The following ATP13A1 variants were observed in gnomAD, a reference collection of about 807,000 sequenced individuals.
ATP13A1 encodes the protein endoplasmic reticulum transmembrane helix translocase.
In ATP13A1, 55 loss-of-function variants were observed where a neutral mutation model predicts 134.8. The ratio of observed to expected loss-of-function variants is 0.41; its 90% CI spans 0.33 to 0.51. The LOEUF is 0.51. Ranked by LOEUF, ATP13A1 falls within the 20% of genes least tolerant of loss-of-function variation. The probability of loss-of-function intolerance (pLI) is 0.29; values close to 1 mark genes in which losing one functional copy is unlikely to be tolerated. For synonymous variants in ATP13A1, 775 were observed against 725.1 expected, an observed-to-expected ratio of 1.07 and a Z score of -1.10; for missense variants, 1,389 against 1,652.8, an observed-to-expected ratio of 0.84 and a Z score of 2.77.
intron 13 of ATP13A1, 82 bp from the exon 14 acceptor site, chr19:19,654,226 C>A (rs933944053): frequency 8.4e-5 from 115 of 1,376,122 alleles, no homozygotes; most frequent in Non-Finnish European, 1.1e-4. Flanking sequence ...CGGCCTCCCC[C>A]ACCTCCCTCC....
intron 23 of ATP13A1, 32 bp downstream of exon 23, chr19:19,646,173 A>G (rs1210966124): frequency 6.2e-7 from 1 of 1,612,470 alleles, no homozygotes; most frequent in Non-Finnish European, 8.5e-7. Flanking sequence ...TCTCAGCTGC[A>G]GGGACATCAC....
rs1490833938 is a variant in ATP13A1 at position 19,653,486 on chromosome 19, G to A, written c.2100+298C>T. 6.8e-6 allele frequency: 3 copies of A among 439,728 alleles called. No homozygotes were observed. Among genetic ancestry groups the A allele is most frequent in the Non-Finnish European group, 8.1e-6 (2 of 245,578 alleles). 27.2% of individuals were successfully genotyped at this position (439,728 alleles called of 1,614,324 possible). A position where few individuals can be genotyped will look rare whatever the true frequency, so the allele number is the denominator to read the frequency against. ...TTTGTGGAGGATGGATGGGTGAGAG[G>A]GCTGAGGATGCCACCTAGCCCTGCC... is the stretch of plus-strand genomic sequence containing the variant. On this transcript the variant is annotated intron_variant, in intron 15 of 25. Transcript: ENST00000357324. The surrounding 1 kb of genome is among the most constrained non-coding windows in gnomAD (Gnocchi z 4.2).
Position 19,647,282 on chromosome 19 carries a change from C to T in ATP13A1, c.2952G>A (p.Thr984=), listed in dbSNP as rs1252033922. 5.0e-6 allele frequency: 8 copies of T among 1,613,068 alleles called. No individual in the cohort carries two copies. Among genetic ancestry groups the T allele is most frequent in the South Asian group, 1.1e-5 (1 of 91,048 alleles). The change falls in exon 22 of 26, where the codon ACG becomes ACA. Residue 984 remains threonine (T), a synonymous_variant. Transcript: ENST00000357324. This position sits in a 1 kb window ranked among gnomAD's most constrained non-coding sequence, Gnocchi z 4.8. ...IKQGRCTLVT[T]LQMFKILALN... Reference sequence around the variant, plus strand: ...GCGCCAGGATCTTGAACATCTGTAGCGTGGTCACCAGCGTGCAGCGGCCCT... The same window carrying T: ...GCGCCAGGATCTTGAACATCTGTAGTGTGGTCACCAGCGTGCAGCGGCCCT...
Position 19,656,637 on chromosome 19 carries a change from G to C in ATP13A1, c.1083+23C>G, listed in dbSNP as rs764283278. ...CCTGTTTCCTCCTGAACAGCTTGAG[G>C]ATCCCCATCCTCCACCAAGTACCTT... is the stretch of plus-strand genomic sequence containing the variant. On this transcript the variant is annotated intron_variant, in intron 7 of 25. Transcript: ENST00000357324. This position sits in a 1 kb window ranked among gnomAD's most constrained non-coding sequence, Gnocchi z 4.6. The C allele has an allele frequency of 6.2e-7, 1 of 1,607,550 alleles. No homozygotes were observed. Among genetic ancestry groups the C allele is most frequent in the Non-Finnish European group, 8.5e-7 (1 of 1,176,644 alleles).
chr19:19,648,714 A>G (rs1461515929), intron 19 of ATP13A1, among the ~76,000 whole-genome samples: 2 of 143,990 alleles, frequency 1.4e-5, no homozygotes, highest in Non-Finnish European at 3.0e-5. Flanking sequence ...GAGGCTGAAG[A>G]AGGAGAATTG....
At chr19:19,660,402 A>C in intron 1 of ATP13A1, 1 of 184,622 alleles carries the variant, frequency 5.4e-6, no homozygotes, top group Non-Finnish European at 1.1e-5. Flanking sequence ...GAATCCCTTG[A>C]ACTGGGAGGC....
In ATP13A1 at chr19:19,655,036, C is replaced by A. The variant is rs544929928; in HGVS notation, c.1655+83G>T. The A allele has an allele frequency of 6.4e-7, 1 of 1,570,354 alleles. No individual in the cohort carries two copies. Among genetic ancestry groups the A allele is most frequent in the Non-Finnish European group, 8.6e-7 (1 of 1,161,310 alleles). ...CTCTGACGGGCCCTCACTGCAAGGGCTTGGGGTGGATGGGCCACCTGTCTC... is the reference window on the plus strand; with the variant it reads ...CTCTGACGGGCCCTCACTGCAAGGGATTGGGGTGGATGGGCCACCTGTCTC... On this transcript the variant is annotated intron_variant, in intron 12 of 25. Coordinates refer to ENST00000357324, the MANE Select transcript of ATP13A1 (RefSeq NM_020410.3). The surrounding 1 kb of genome is among the most constrained non-coding windows in gnomAD (Gnocchi z 5.7).
Position 19,659,606 on chromosome 19 carries a change from G to T in ATP13A1, c.672C>A (p.Ser224Arg), listed in dbSNP as rs77942672. The T allele has an allele frequency of 6.2e-7, 1 of 1,609,596 alleles. No individual in the cohort carries two copies. Among genetic ancestry groups the T allele is most frequent in the Non-Finnish European group, 8.5e-7 (1 of 1,176,220 alleles). Residue 224 changes from serine to arginine, a missense_variant, in exon 3 of 26, where the codon AGC becomes AGA. Around this residue, in one of 4 missense-constraint regions of ATP13A1, gnomAD observed 747 missense variants for 956.1 expected, o/e 0.78. Coordinates refer to ENST00000357324, the MANE Select transcript of ATP13A1 (RefSeq NM_020410.3). ...EIRAAEKKFG[S>R]NKAEMVVPDF... ...CAGGCAAATCAAGGACTCACTTGTT[G>T]CTCCCAAATTTCTTCTCAGCTGCTC...
rs1290692655 is a variant in ATP13A1, at chr19:19,647,874, C to T, written c.2633-115G>A. On this transcript the variant is annotated intron_variant, in intron 19 of 25. Transcript: ENST00000357324. The surrounding 1 kb of genome is among the most constrained non-coding windows in gnomAD (Gnocchi z 4.8). ...CAGCTGGCTCCCGTGAGGACAGTTC[C>T]CAGACTTCCCCATTTCACCTGACAC... 2.3e-6 allele frequency: 3 copies of T among 1,304,668 alleles called. No individual in the cohort carries two copies. Among genetic ancestry groups the T allele is most frequent in the Non-Finnish European group, 3.1e-6 (3 of 974,344 alleles). The allele number at this position is 1,304,668 out of a possible 1,614,324, so 80.8% of individuals were successfully genotyped here. A position where few individuals can be genotyped will look rare whatever the true frequency, so the allele number is the denominator to read the frequency against.
At chr19:19,661,141 C>A (rs545993494) in intron 1 of ATP13A1, among the ~76,000 whole-genome samples, 5 of 152,136 alleles carry the variant, frequency 3.3e-5, no homozygotes, top group East Asian at 1.9e-4. Flanking sequence ...AAAACAACAA[C>A]AAAAAAAGCT....
At position 19,656,369 on chromosome 19, in the gene ATP13A1, G is replaced by A. The variant is rs2062058399; in HGVS notation, c.1084-186C>T. Among the ~76,000 whole-genome samples, 1 of 152,218 alleles carries A rather than the reference G, an allele frequency of 6.6e-6. No homozygotes were observed. The highest frequency in any genetic ancestry group is 1.9e-4 in the East Asian group (1 of 5,172). On this transcript the variant is annotated intron_variant, in intron 7 of 25. Coordinates refer to ENST00000357324, the MANE Select transcript of ATP13A1 (RefSeq NM_020410.3). The surrounding 1 kb of genome is among the most constrained non-coding windows in gnomAD (Gnocchi z 4.6). ...CTGTCTTCTCCCCATTGCACTCACAGTGCCTGCTCTCTGGGGCCTGCACTT... is the reference window on the plus strand; with the variant it reads ...CTGTCTTCTCCCCATTGCACTCACAATGCCTGCTCTCTGGGGCCTGCACTT...
rs762949014 is a variant in ATP13A1, at chr19:19,645,689, G to C, written c.3462C>G (p.Pro1154=). Residue 1154 remains proline, a synonymous_variant, in exon 25 of 26, where the codon CCC becomes CCG. Transcript: ENST00000357324. The surrounding 1 kb of genome is among the most constrained non-coding windows in gnomAD (Gnocchi z 4.1). ...AIIGLLLGSS[P]DFNSQFGLVD... Reference sequence around the variant, plus strand: ...CGAGGCCAAACTGGCTGTTGAAGTCGGGCGAGGAGCCGAGGAGCAGGCCAA... The same window carrying C: ...CGAGGCCAAACTGGCTGTTGAAGTCCGGCGAGGAGCCGAGGAGCAGGCCAA... 21 of 1,578,388 alleles carry C rather than the reference G, an allele frequency of 1.3e-5. No homozygotes were observed. The highest frequency in any genetic ancestry group is 1.8e-5 in the Non-Finnish European group (21 of 1,162,598).
chr19:19,657,192 T>C (rs1455871981), intron 4 of ATP13A1, 43 bp from the exon 5 acceptor site: 1 of 1,492,716 alleles, frequency 6.7e-7, no homozygotes, highest in Admixed American at 2.4e-5. Flanking sequence ...ACCCGCCCTG[T>C]TCCCATGAGC....
intron 15 of ATP13A1, chr19:19,652,998 G>A (rs1360961146): frequency 4.6e-6 from 2 of 437,312 alleles, no homozygotes; most frequent in Non-Finnish European, 8.3e-6. Context: ...TTGTGGCTCA[G>A]CTTCCAAGTC....
rs1020431541 is a variant in ATP13A1 at position 19,656,584 on chromosome 19, C to T, written c.1083+76G>A. The T allele has an allele frequency of 4.4e-5, 65 of 1,464,440 alleles. No individual in the cohort carries two copies. In the African/African-American group the frequency reaches 7.4e-4, roughly 17 times the overall value. 90.7% of individuals were successfully genotyped at this position (1,464,440 alleles called of 1,614,324 possible). On this transcript the variant is annotated intron_variant, in intron 7 of 25. Coordinates refer to ENST00000357324, the MANE Select transcript of ATP13A1 (RefSeq NM_020410.3). The surrounding 1 kb of genome is among the most constrained non-coding windows in gnomAD (Gnocchi z 4.6). ...TCCGCCTGTGCCTGAGGGGGATCCC[C>T]GCCACCCCCTGGGCCTCCACCTCCT...
At position 19,656,954 on chromosome 19, in the gene ATP13A1, T is replaced by G. The variant is rs372312863; in HGVS notation, c.907-38A>C. On this transcript the variant is annotated intron_variant, in intron 5 of 25. Coordinates refer to ENST00000357324, the MANE Select transcript of ATP13A1 (RefSeq NM_020410.3). This position sits in a 1 kb window ranked among gnomAD's most constrained non-coding sequence, Gnocchi z 4.6. Reference sequence around the variant, plus strand: ...TGGGTGTCAGCACAGAAGCCGCACCTGTGCTGCACCCCCAACCTGGGTCTC... The same window carrying G: ...TGGGTGTCAGCACAGAAGCCGCACCGGTGCTGCACCCCCAACCTGGGTCTC... The G allele has an allele frequency of 6.2e-7, 1 of 1,605,220 alleles. No homozygotes were observed. Among genetic ancestry groups the G allele is most frequent in the Non-Finnish European group, 8.5e-7 (1 of 1,176,218 alleles).
chr19:19,662,294 T>A, intron 1 of ATP13A1: 1 of 985,434 alleles, frequency 1.0e-6, no homozygotes, highest in Non-Finnish European at 1.2e-6. Flanking sequence ...TAAGTCTTTT[T>A]GAAGGACAGA....
chr19:19,649,754 G>A lies in ATP13A1; in HGVS notation c.2522C>T (p.Ala841Val), dbSNP rs1480014037. The A allele has an allele frequency of 6.2e-7, 1 of 1,600,834 alleles. No homozygotes were observed. The highest frequency in any genetic ancestry group is 8.5e-7 in the Non-Finnish European group (1 of 1,172,722). The change falls in exon 18 of 26, where the codon GCT becomes GTT. Residue 841 changes from alanine to valine, a missense_variant. Ala to Val is a moderately conservative substitution (Grantham distance 64). Transcript: ENST00000357324. ...CTGTGCACATACCTTCTGCTTGGGA[G>A]CCACACGGGCGAACACCTGCACATG... ...IPHVQVFARVAPKQKEFVITS... is the reference protein window; with the variant it reads ...IPHVQVFARVVPKQKEFVITS...
chr19:19,651,623 T>C (rs2062025215), intron 17 of ATP13A1, 66 bp downstream of exon 17: 28 of 1,307,148 alleles, frequency 2.1e-5, no homozygotes, highest in Non-Finnish European at 3.0e-5. Context: ...GGTGGGCTGT[T>C]GCGATGGGAG....
Sources: gnomAD v4.1 joint callset for allele counts (sites outside exome capture counted in the v4.1 genomes callset) on GRCh38, gnomAD v4.1.1 for gene constraint, gnomAD v4.1.1 regional missense constraint, Gnocchi (gnomAD v3.1) non-coding constraint, MANE v1.5 for transcripts, NCBI Gene and HGNC (gene_info 2026-07-23, HGNC 2026-07-21) for gene names.